ZNF506: variants seen among roughly 807,000 people sequenced by gnomAD.
The protein encoded by ZNF506 is zinc finger protein 506.
In ZNF506, 10 loss-of-function variants were observed where a neutral mutation model predicts 11.6. The ratio of observed to expected loss-of-function variants is 0.86; its 90% CI spans 0.53 to 1.46. The LOEUF (loss-of-function observed/expected upper bound fraction) is 1.46, where lower values mean the gene tolerates loss of function less well. ZNF506 is among the 40% of genes most tolerant of loss of function. The pLI is 0.00. For synonymous variants in ZNF506, 156 were observed against 173.3 expected (o/e 0.90, Z 0.78); for missense variants, 425 against 521.2 (o/e 0.82, Z 1.80).
chr19:19,797,997 G>T (rs80053403), intron 3 of ZNF506: 172 of 152,194 alleles, frequency 1.1e-3, no homozygotes, highest in African/African-American at 3.9e-3. Flanking sequence ...GATGCTGAAA[G>T]GAGTTTTTTT....
In ZNF506 at chr19:19,821,655, T is replaced by C. The variant is rs1009177302; in HGVS notation, c.-52A>G. On this transcript the variant is annotated 5_prime_UTR_variant, in exon 1 of 4. Transcript: ENST00000540806. ...TCCTAGCTGTGACCCTCCTAATACC[T>C]GCAGGTCACAGGGCCACAGAGGCTG... 3 of 1,612,244 alleles carry C rather than the reference T, an allele frequency of 1.9e-6. No individual in the cohort carries two copies. Among genetic ancestry groups the C allele is most frequent in the African/African-American group, 2.7e-5 (2 of 74,896 alleles).
rs937801491 is a variant in ZNF506, at chr19:19,797,732, G to T, written c.227-2072C>A. ...ATTCCAAAAATCACAGATAAGAAGA[G>T]AATTTTGGGAGCTGCAAGATAAAAA... On this transcript the variant is annotated intron_variant, in intron 3 of 3. Transcript: ENST00000540806. The T allele has an allele frequency of 1.8e-4, 28 of 152,022 alleles. 1 individual carries two copies. The highest frequency in any genetic ancestry group is 2.9e-5 in the Non-Finnish European group (2 of 68,000). 9.4% of individuals were successfully genotyped at this position (152,022 alleles called of 1,614,324 possible). A position where few individuals can be genotyped will look rare whatever the true frequency, so the allele number is the denominator to read the frequency against.
At chr19:19,816,285 G>A (rs1202115541) in intron 1 of ZNF506, among the ~76,000 whole-genome samples, 2 of 151,426 alleles carry the variant, frequency 1.3e-5, no homozygotes, top group Non-Finnish European at 2.9e-5. Context: ...CCAGGTTCAA[G>A]CCATTCTCCT....
chr19:19,794,401 A>T lies in ZNF506; in HGVS notation c.*151T>A. ...TGTCCAGTATAAATTATGTGTAATA[A>T]GGGTTGAGAACTTCCTTAAAAAGCT... On this transcript the variant is annotated 3_prime_UTR_variant, in exon 4 of 4. Coordinates refer to ENST00000540806, the MANE Select transcript of ZNF506 (RefSeq NM_001099269.3). The T allele has an allele frequency of 1.4e-6, 1 of 727,386 alleles. No homozygotes were observed. Among genetic ancestry groups the T allele is most frequent in the Non-Finnish European group, 2.2e-6 (1 of 456,880 alleles). 45.1% of individuals were successfully genotyped at this position (727,386 alleles called of 1,614,324 possible).
In ZNF506 at chr19:19,821,749, AT is replaced by A; in HGVS notation, c.-147del. On this transcript the variant is annotated 5_prime_UTR_variant, in exon 1 of 4. Transcript: ENST00000540806. ...GGATCTCTGGCGTCAGCGAGAGACA[AT>A]GGGCCCGCCAAAGCCGGAAGCCGGA... 9.4e-7 allele frequency: 1 copy of A among 1,060,704 alleles called. No individual in the cohort carries two copies. The allele number at this position is 1,060,704 out of a possible 1,614,324, so 65.7% of individuals were successfully genotyped here.
intron 1 of ZNF506, among the ~76,000 whole-genome samples, chr19:19,819,802 T>TA (rs1287164008): frequency 1.3e-5 from 2 of 152,182 alleles, no homozygotes; most frequent in Non-Finnish European, 1.5e-5. Flanking sequence ...CAATACTTTT[T>TA]AAAAAATGAC....
intron 1 of ZNF506, among the ~76,000 whole-genome samples, chr19:19,808,225 A>G (rs944398881): frequency 1.4e-5 from 2 of 139,250 alleles, no homozygotes; most frequent in African/African-American, 2.7e-5. Context: ...CCGGGTTCAC[A>G]CCATTCTCCT....
intron 3 of ZNF506, chr19:19,799,560 G>A: frequency 2.0e-6 from 1 of 507,772 alleles, no homozygotes; most frequent in South Asian, 3.1e-5. Context: ...ATAAATAATT[G>A]ATAAATTTTC....
Position 19,821,676 on chromosome 19 carries a change from G to T in ZNF506, c.-73C>A. On this transcript the variant is annotated 5_prime_UTR_variant, in exon 1 of 4. Coordinates refer to ENST00000540806, the MANE Select transcript of ZNF506 (RefSeq NM_001099269.3). ...TACCTGCAGGTCACAGGGCCACAGA[G>T]GCTGGGCCTCTAGGAGCTGACGGCA... 6.3e-7 allele frequency: 1 copy of T among 1,588,936 alleles called. No individual in the cohort carries two copies. Among genetic ancestry groups the T allele is most frequent in the Non-Finnish European group, 8.6e-7 (1 of 1,157,474 alleles).
intron 3 of ZNF506, chr19:19,797,297 T>G (rs2062750385): frequency 6.6e-6 from 1 of 151,982 alleles, no homozygotes; most frequent in African/African-American, 2.4e-5. Context: ...ATACAAAAAA[T>G]TAGCTAGCCG....
intron 1 of ZNF506, among the ~76,000 whole-genome samples, chr19:19,817,851 G>C (rs1434629364): frequency 7.6e-6 from 1 of 132,288 alleles, no homozygotes; most frequent in Non-Finnish European, 1.6e-5. Context: ...TTTTTTTTGA[G>C]ACGGTCTTGC....
At chr19:19,818,679 G>A (rs1440833184) in intron 1 of ZNF506, among the ~76,000 whole-genome samples, 1 of 152,078 alleles carries the variant, frequency 6.6e-6, no homozygotes, top group Non-Finnish European at 1.5e-5. Flanking sequence ...TACCTTTCAA[G>A]CCCTACTAAT....
At chr19:19,806,148 A>G (rs2062834265) in intron 2 of ZNF506, 22 bp from the exon 3 acceptor site, 1 of 1,552,384 alleles carries the variant, frequency 6.4e-7, no homozygotes, top group Admixed American at 1.8e-5. Flanking sequence ...AGAATAAATA[A>G]TATGAATCTT....
chr19:19,806,236 A>G, intron 2 of ZNF506, 110 bp from the exon 3 acceptor site: 1 of 764,692 alleles, frequency 1.3e-6, no homozygotes. Context: ...AATTAATACT[A>G]AAATACTAAG....
At chr19:19,797,174 G>A (rs1221669809) in intron 3 of ZNF506, 1 of 148,328 alleles carries the variant, frequency 6.7e-6, no homozygotes, top group East Asian at 2.0e-4. Context: ...GCCAGGCTTG[G>A]TGGCTCATTC....
intron 1 of ZNF506, among the ~76,000 whole-genome samples, chr19:19,811,489 G>T (rs972631671): frequency 1.3e-5 from 2 of 152,056 alleles, no homozygotes; most frequent in Admixed American, 1.3e-4. Flanking sequence ...AAATAAATAC[G>T]TACACTTAAA....
At position 19,794,810 on chromosome 19, in the gene ZNF506, A is replaced by T; in HGVS notation, c.1077T>A (p.His359Gln). ...TFTWYSSLSK[H>Q]KRAHTGEKPY... ...GTTTCTCTCCAGTATGAGCTCTCTT[A>T]TGTTTAGAGAGGCTTGAGTACCAGG... Residue 359 changes from histidine (H) to glutamine (Q), a missense_variant, in exon 4 of 4, where the codon CAT (histidine) becomes CAA (glutamine). This residue lies in a region of ZNF506 where 192 missense variants were observed against 215.7 expected (regional missense o/e 0.89). Transcript: ENST00000540806. The T allele has an allele frequency of 1.2e-6, 2 of 1,613,954 alleles. No individual in the cohort carries two copies. The highest frequency in any genetic ancestry group is 1.6e-4 in the Middle Eastern group (1 of 6,062).
At chr19:19,816,514 C>T (rs529270291) in intron 1 of ZNF506, among the ~76,000 whole-genome samples, 11 of 152,288 alleles carry the variant, frequency 7.2e-5, no homozygotes, top group Middle Eastern at 3.4e-3. Flanking sequence ...CCTGCCACCA[C>T]GCCTGGCTAA....
chr19:19,816,451 G>A lies in ZNF506; in HGVS notation c.3+5150C>T, dbSNP rs959497361. On this transcript the variant is annotated intron_variant, in intron 1 of 3. Coordinates refer to ENST00000540806, the MANE Select transcript of ZNF506 (RefSeq NM_001099269.3). ...CAGCTCACTGCAAGCTCCATCTCCCGGGTTCACACCATTCTCCTGCCTCAG... is the reference window on the plus strand; with the variant it reads ...CAGCTCACTGCAAGCTCCATCTCCCAGGTTCACACCATTCTCCTGCCTCAG... Among the ~76,000 whole-genome samples, 5 of 152,072 alleles carry A rather than the reference G, an allele frequency of 3.3e-5. No homozygotes were observed. The South Asian group carries it at 1.0e-3, about 32-fold the overall frequency.
Sources: allele counts gnomAD v4.1 joint callset (sites outside exome capture counted in the v4.1 genomes callset), GRCh38; gene constraint gnomAD v4.1.1; regional missense constraint gnomAD v4.1.1; transcripts MANE v1.5; gene names NCBI Gene and HGNC (gene_info 2026-07-23, HGNC 2026-07-21).